The following PCDHGA5 variants were observed in gnomAD, a reference collection of about 807,000 sequenced individuals.
The protein encoded by PCDHGA5 is protocadherin gamma-A5.
A neutral mutation model predicts 56.7 loss-of-function variants in PCDHGA5; 36 were observed. The observed-to-expected ratio is 0.64, with a 90% CI of 0.49 to 0.84. PCDHGA5 has a LOEUF of 0.84. Ranked by LOEUF, PCDHGA5 falls within the 40% of genes least tolerant of loss-of-function variation. The pLI is 0.00. For missense variants in PCDHGA5, 1,305 were observed against 1,201.5 expected, an observed-to-expected ratio of 1.09 and a Z score of -1.27; for synonymous variants, 563 against 520.2, an observed-to-expected ratio of 1.08 and a Z score of -1.12.
At chr5:141,417,887 C>T in intron 1 of PCDHGA5, 2 of 1,564,888 alleles carry the variant, frequency 1.3e-6, no homozygotes, top group Non-Finnish European at 1.7e-6. Flanking sequence ...GCAGAGGCGC[C>T]GGGCCGGCCC....
chr5:141,456,712 C>T (rs1025899058), intron 1 of PCDHGA5, among the ~76,000 whole-genome samples: 2 of 152,190 alleles, frequency 1.3e-5, no homozygotes, highest in African/African-American at 4.8e-5. Context: ...CGCCTGTAAT[C>T]CCAGCACTTT....
At chr5:141,478,850 A>T in intron 1 of PCDHGA5, 1 of 1,376,726 alleles carries the variant, frequency 7.3e-7, no homozygotes, top group South Asian at 1.5e-5. Context: ...AAGCTAAAAC[A>T]CAAGATCTCA....
intron 1 of PCDHGA5, among the ~76,000 whole-genome samples, chr5:141,463,438 CTTTTTTTTTTTTTTTT>C (rs71576115): frequency 1.9e-5 from 2 of 103,256 alleles, no homozygotes; most frequent in African/African-American, 4.5e-5. Context: ...TTTCCTTCTC[CTTTTTTTTTTTTTTTT>C]TTTTTTTTTT....
At position 141,365,372 on chromosome 5, in the gene PCDHGA5, A is replaced by T. The variant is rs1763874663; in HGVS notation, c.1042A>T (p.Ile348Phe). The T allele has an allele frequency of 6.2e-7, 1 of 1,613,798 alleles. No homozygotes were observed. Among genetic ancestry groups the T allele is most frequent in the African/African-American group, 1.3e-5 (1 of 74,878 alleles). The change falls in exon 1 of 4, where the codon ATC becomes TTC. Residue 348 changes from isoleucine to phenylalanine, a missense_variant. Transcript: ENST00000518069. ...CGTGAATGACAATGCCCCCGAAGTG[A>T]TCCTCACCTCTCTGACCAGTTCGAT... ...QDVNDNAPEV[I>F]LTSLTSSISE...
In PCDHGA5 at chr5:141,491,511, C is replaced by G. The variant is rs777448782; in HGVS notation, c.2422-3296C>G. 6.2e-7 allele frequency: 1 copy of G among 1,614,080 alleles called. No individual in the cohort carries two copies. The highest frequency in any genetic ancestry group is 8.5e-7 in the Non-Finnish European group (1 of 1,180,018). ...TGCAGGTGAGCTCGGACGGCACGCT[C>G]AAGTACATGGAGGTGACGCTGCGGC... On this transcript the variant is annotated intron_variant, in intron 1 of 3. Transcript: ENST00000518069. This position sits in a 1 kb window ranked among gnomAD's most constrained non-coding sequence, Gnocchi z 6.9.
intron 3 of PCDHGA5, among the ~76,000 whole-genome samples, chr5:141,509,004 G>A (rs2099873761): frequency 6.6e-6 from 1 of 152,072 alleles, no homozygotes; most frequent in South Asian, 2.1e-4. Context: ...AGGAGAGGAG[G>A]AAGTGGGCAG....
At chr5:141,419,808 G>A in intron 1 of PCDHGA5, 2 of 1,614,066 alleles carry the variant, frequency 1.2e-6, no homozygotes, top group Non-Finnish European at 8.5e-7. Flanking sequence ...AGAGATGGAG[G>A]ACAGCCACCC....
At chr5:141,463,401 A>T (rs57406832) in intron 1 of PCDHGA5, among the ~76,000 whole-genome samples, 25,027 of 149,108 alleles carry the variant, frequency 0.17, 2,158 homozygotes, top group South Asian at 0.22. Context: ...GGCAAAAAAA[A>T]TGGAGATCCT....
intron 1 of PCDHGA5, chr5:141,393,162 T>C (rs771570808): frequency 3.1e-6 from 5 of 1,613,142 alleles, no homozygotes; most frequent in Admixed American, 1.7e-5. Context: ...AGGAAAACTC[T>C]TTGGGGTAGA....
At chr5:141,453,482 A>T (rs979979155) in intron 1 of PCDHGA5, among the ~76,000 whole-genome samples, 1 of 151,990 alleles carries the variant, frequency 6.6e-6, no homozygotes, top group Non-Finnish European at 1.5e-5. Context: ...CAAAACTATT[A>T]AAAAAAGGTG....
intron 1 of PCDHGA5, chr5:141,478,753 G>A (rs2099475642): frequency 2.0e-6 from 3 of 1,519,424 alleles, no homozygotes; most frequent in Admixed American, 2.1e-5. Context: ...ATTTCAGGGG[G>A]AAGATACTTG....
rs1591227595 is a variant in PCDHGA5 at position 141,432,858 on chromosome 5, T to C, written c.2422-61949T>C. ...TACCTGGTGGTAGCGGTGGCCGCGG[T>C]CTCCTGCGTCTTCCTGGCCTTCGTC... On this transcript the variant is annotated intron_variant, in intron 1 of 3. Coordinates refer to ENST00000518069, the MANE Select transcript of PCDHGA5 (RefSeq NM_018918.3). This position sits in a 1 kb window ranked among gnomAD's most constrained non-coding sequence, Gnocchi z 6.0. The C allele has an allele frequency of 1.2e-6, 2 of 1,614,140 alleles. No individual in the cohort carries two copies. Among genetic ancestry groups the C allele is most frequent in the Non-Finnish European group, 8.5e-7 (1 of 1,179,996 alleles).
chr5:141,400,007 C>G (rs907315450), intron 1 of PCDHGA5: 2 of 1,612,506 alleles, frequency 1.2e-6, no homozygotes, highest in African/African-American at 1.3e-5. Flanking sequence ...ACAGCGCGTG[C>G]CTTGGGCGAC....
rs1260981096 is a variant in PCDHGA5 at position 141,374,541 on chromosome 5, C to T, written c.2421+7790C>T. On this transcript the variant is annotated intron_variant, in intron 1 of 3. Coordinates refer to ENST00000518069, the MANE Select transcript of PCDHGA5 (RefSeq NM_018918.3). Reference sequence around the variant, plus strand: ...AACGCAGCTCCATCCTCTCGTTTTCCACTAATGGAGGTCTATGACCCTGAT... The same window carrying T: ...AACGCAGCTCCATCCTCTCGTTTTCTACTAATGGAGGTCTATGACCCTGAT... 6.8e-6 allele frequency: 11 copies of T among 1,613,170 alleles called. No individual in the cohort carries two copies. Among genetic ancestry groups the T allele is most frequent in the Non-Finnish European group, 9.3e-6 (11 of 1,179,374 alleles).
At chr5:141,420,406 T>C (rs2096494414) in intron 1 of PCDHGA5, 1 of 1,241,672 alleles carries the variant, frequency 8.1e-7, no homozygotes, top group Non-Finnish European at 1.1e-6. Context: ...AATTTATGGT[T>C]ATCATTATTA....
At position 141,484,932 on chromosome 5, in the gene PCDHGA5, C is replaced by T. The variant is rs1594431677; in HGVS notation, c.2422-9875C>T. On this transcript the variant is annotated intron_variant, in intron 1 of 3. Coordinates refer to ENST00000518069, the MANE Select transcript of PCDHGA5 (RefSeq NM_018918.3). ...CGCATTAACCCTGCTGCTGTTGGGA[C>T]GTTCTCTGCTCAGCCTATTGGCTGA... 1.2e-5 allele frequency: 6 copies of T among 501,356 alleles called. No individual in the cohort carries two copies. The East Asian group carries it at 1.4e-4, about 12-fold the overall frequency. 31.1% of individuals were successfully genotyped at this position (501,356 alleles called of 1,614,324 possible).
intron 1 of PCDHGA5, chr5:141,430,452 A>G (rs566189732): frequency 2.0e-3 from 408 of 202,442 alleles, no homozygotes; most frequent in South Asian, 3.8e-3. Context: ...CCTTTTGAAG[A>G]ACAGTAGGTG....
At chr5:141,401,805 G>C (rs1307812903) in intron 1 of PCDHGA5, among the ~76,000 whole-genome samples, 1 of 152,132 alleles carries the variant, frequency 6.6e-6, no homozygotes, top group Non-Finnish European at 1.5e-5. Context: ...TTCAGTAAAT[G>C]GGTTCCTTAC....
intron 1 of PCDHGA5, chr5:141,422,206 G>A (rs1269700250): frequency 6.4e-7 from 1 of 1,562,324 alleles, no homozygotes; most frequent in Non-Finnish European, 8.6e-7. Flanking sequence ...AGATGGTGGA[G>A]GTCTCTTTAC....
Sources: gnomAD v4.1 joint callset for allele counts (sites outside exome capture counted in the v4.1 genomes callset) on GRCh38, gnomAD v4.1.1 for gene constraint, Gnocchi (gnomAD v3.1) non-coding constraint, MANE v1.5 for transcripts, NCBI Gene and HGNC (gene_info 2026-07-23, HGNC 2026-07-21) for gene names.